The following TNFSF13B variants were observed in gnomAD, a reference collection of about 807,000 sequenced individuals.
TNFSF13B encodes TNF superfamily member 13b.
In TNFSF13B, 8 loss-of-function variants were observed where a neutral mutation model predicts 29.1. That is an observed-to-expected ratio of 0.27 (90% CI 0.16 to 0.50). The LOEUF (loss-of-function observed/expected upper bound fraction) is 0.50, where lower values mean the gene tolerates loss of function less well. Ranked by LOEUF, TNFSF13B falls within the 20% of genes least tolerant of loss-of-function variation. The pLI is 0.98. For missense variants in TNFSF13B, 248 were observed against 334.9 expected, an observed-to-expected ratio of 0.74 and a Z score of 2.03; for synonymous variants, 125 against 130.8, an observed-to-expected ratio of 0.96 and a Z score of 0.30.
At chr13:108,285,110 C>T (rs1008696932) in intron 2 of TNFSF13B, among the ~76,000 whole-genome samples, 9 of 152,162 alleles carry the variant, frequency 5.9e-5, no homozygotes, top group Admixed American at 3.9e-4. Flanking sequence ...ATGCTCTGCT[C>T]CTATCAAAAT....
rs1300317372 is a variant in TNFSF13B, at chr13:108,299,785, T to A, written c.482-3468T>A. On this transcript the variant is annotated intron_variant, in intron 3 of 5. Coordinates refer to ENST00000375887, the MANE Select transcript of TNFSF13B (RefSeq NM_006573.5). ...GTATGTGGATGTGCGTATGTGTGTGTGTGGATGTTGGAGGAATAAAGACAA... is the reference window on the plus strand; with the variant it reads ...GTATGTGGATGTGCGTATGTGTGTGAGTGGATGTTGGAGGAATAAAGACAA... Among the ~76,000 whole-genome samples the A allele has an allele frequency of 2.0e-5, 3 of 152,276 alleles. No individual in the cohort carries two copies. The East Asian group carries it at 5.8e-4, about 29-fold the overall frequency.
At chr13:108,281,661 T>G (rs1880961144) in intron 2 of TNFSF13B, among the ~76,000 whole-genome samples, 1 of 152,172 alleles carries the variant, frequency 6.6e-6, no homozygotes, top group African/African-American at 2.4e-5. Flanking sequence ...AGAACTCTAC[T>G]TATAAGAATT....
At chr13:108,290,662 G>A (rs1182805908) in intron 3 of TNFSF13B, among the ~76,000 whole-genome samples, 1 of 150,970 alleles carries the variant, frequency 6.6e-6, no homozygotes, top group Non-Finnish European at 1.5e-5. Context: ...ACTGATTTCT[G>A]TGAGCACCTT....
At chr13:108,280,955 A>G (rs935499238) in intron 2 of TNFSF13B, among the ~76,000 whole-genome samples, 4 of 152,178 alleles carry the variant, frequency 2.6e-5, no homozygotes, top group African/African-American at 9.7e-5. Context: ...GAGGTATTAG[A>G]GGTATTAGAG....
intron 2 of TNFSF13B, among the ~76,000 whole-genome samples, 164 bp from the exon 3 acceptor site, chr13:108,286,639 A>G (rs1351338189): frequency 6.6e-6 from 1 of 151,550 alleles, no homozygotes; most frequent in East Asian, 1.9e-4. Context: ...ATATATATAA[A>G]TCAATGGGCA....
intron 2 of TNFSF13B, among the ~76,000 whole-genome samples, chr13:108,274,156 T>C (rs1167846618): frequency 2.0e-5 from 3 of 152,154 alleles, no homozygotes; most frequent in African/African-American, 4.8e-5. Context: ...GAAAGGCTTC[T>C]GGTCAACAGT....
At chr13:108,297,387 C>T (rs1406098384) in intron 3 of TNFSF13B, among the ~76,000 whole-genome samples, 1 of 145,250 alleles carries the variant, frequency 6.9e-6, no homozygotes. Flanking sequence ...TTGTCATTAT[C>T]TTTTAATAGC....
At chr13:108,289,178 G>A (rs1000062731) in intron 3 of TNFSF13B, among the ~76,000 whole-genome samples, 3 of 151,532 alleles carry the variant, frequency 2.0e-5, no homozygotes, top group Non-Finnish European at 4.4e-5. Flanking sequence ...CCCCCAAAAT[G>A]CTATAAATTG....
intron 2 of TNFSF13B, among the ~76,000 whole-genome samples, chr13:108,274,617 A>G (rs1276050966): frequency 1.3e-5 from 2 of 151,894 alleles, no homozygotes; most frequent in Non-Finnish European, 2.9e-5. Flanking sequence ...TCCAAAATTA[A>G]TGTTTATATT....
At chr13:108,300,605 C>A (rs1881594310) in intron 3 of TNFSF13B, among the ~76,000 whole-genome samples, 1 of 152,300 alleles carries the variant, frequency 6.6e-6, no homozygotes, top group South Asian at 2.1e-4. Context: ...TTATTATAAT[C>A]TTTTCACTGA....
rs531576326 is a variant in TNFSF13B, at chr13:108,276,156, G to A, written c.424+5732G>A. Among the ~76,000 whole-genome samples, 20 of 152,286 alleles carry A rather than the reference G, an allele frequency of 1.3e-4. No individual in the cohort carries two copies. The South Asian group carries it at 3.5e-3, about 27-fold the overall frequency. ...AGGCTGTAACATGAGTGTTGGAAGC[G>A]TGCAATGTAGAACTTGACCATCCAG... On this transcript the variant is annotated intron_variant, in intron 2 of 5. Coordinates refer to ENST00000375887, the MANE Select transcript of TNFSF13B (RefSeq NM_006573.5).
In TNFSF13B at chr13:108,281,926, T is replaced by A. The variant is rs575737651; in HGVS notation, c.425-4877T>A. Among the ~76,000 whole-genome samples the A allele has an allele frequency of 2.0e-4, 31 of 152,332 alleles. No homozygotes were observed. The South Asian group carries it at 2.1e-3, about 10-fold the overall frequency. On this transcript the variant is annotated intron_variant, in intron 2 of 5. Coordinates refer to ENST00000375887, the MANE Select transcript of TNFSF13B (RefSeq NM_006573.5). ...TTGAGATCTTTAAGTGTTTTTTTTT[T>A]CTAGTTAACATTTTTCTGCCACTGA...
At chr13:108,271,710 A>G (rs1181547311) in intron 2 of TNFSF13B, among the ~76,000 whole-genome samples, 4 of 152,126 alleles carry the variant, frequency 2.6e-5, no homozygotes, top group African/African-American at 9.7e-5. Context: ...TTTATAGTCT[A>G]TATTTCCTAC....
At position 108,298,608 on chromosome 13, in the gene TNFSF13B, CTG is replaced by C. The variant is rs1312701894; in HGVS notation, c.482-4641_482-4640del. 2.1e-5 allele frequency among the ~76,000 whole-genome samples: 3 copies of C among 145,306 alleles called. 1 individual carries two copies. The highest frequency in any genetic ancestry group is 1.9e-4 in the East Asian group (1 of 5,156). On this transcript the variant is annotated intron_variant, in intron 3 of 5. Coordinates refer to ENST00000375887, the MANE Select transcript of TNFSF13B (RefSeq NM_006573.5). ...ATCCTTTAATATTATGTTGGCATTT[CTG>C]TGTCTTTTGCTTCTCTATATATTCT... is the stretch of plus-strand genomic sequence containing the variant.
chr13:108,274,782 A>G (rs938427865), intron 2 of TNFSF13B, among the ~76,000 whole-genome samples: 2 of 152,066 alleles, frequency 1.3e-5, no homozygotes, highest in African/African-American at 4.8e-5. Flanking sequence ...TTTTACTTTT[A>G]AAGTGTTTAT....
intron 3 of TNFSF13B, among the ~76,000 whole-genome samples, chr13:108,295,583 T>C (rs1290727622): frequency 1.4e-5 from 2 of 145,244 alleles, no homozygotes; most frequent in Non-Finnish European, 3.0e-5. Flanking sequence ...CTGTCAATTT[T>C]GGGCTTAGTT....
chr13:108,301,659 A>G (rs1375771143), intron 3 of TNFSF13B, among the ~76,000 whole-genome samples: 1 of 152,146 alleles, frequency 6.6e-6, no homozygotes, highest in African/African-American at 2.4e-5. Context: ...TGGAGGTGAA[A>G]AGACGTTGGT....
intron 3 of TNFSF13B, among the ~76,000 whole-genome samples, chr13:108,297,020 G>A (rs1213650661): frequency 6.9e-6 from 1 of 145,328 alleles, no homozygotes; most frequent in Non-Finnish European, 1.5e-5. Context: ...TTTTATATTT[G>A]CCTATGTATG....
chr13:108,306,721 C>T, intron 5 of TNFSF13B, 105 bp from the exon 6 acceptor site: 1 of 600,228 alleles, frequency 1.7e-6, no homozygotes. Context: ...AGTGTGAATG[C>T]CTATGTTAAC....
Sources: gnomAD v4.1 joint callset for allele counts (sites outside exome capture counted in the v4.1 genomes callset) on GRCh38, gnomAD v4.1.1 for gene constraint, MANE v1.5 for transcripts, NCBI Gene and HGNC (gene_info 2026-07-23, HGNC 2026-07-21) for gene names.